ZNF451: variants seen among roughly 807,000 people sequenced by gnomAD.
ZNF451 encodes the protein zinc finger protein 451, also known as E3 SUMO-protein ligase ZNF451.
Under a neutral mutation model 107.1 loss-of-function variants are expected in ZNF451, and 80 were observed. That is an observed-to-expected ratio of 0.75 (90% CI 0.62 to 0.90). The LOEUF is 0.90. Ranked by LOEUF, ZNF451 falls within the 40% of genes least tolerant of loss-of-function variation. The pLI is 0.00. For synonymous variants in ZNF451, 362 were observed against 406.5 expected (o/e 0.89, Z 1.32); for missense variants, 1,107 against 1,236.2 (o/e 0.90, Z 1.57).
intron 3 of ZNF451, chr6:57,104,498 T>TA (rs1829753030): frequency 1.0e-6 from 1 of 985,254 alleles, no homozygotes; most frequent in African/African-American, 1.7e-5. Flanking sequence ...TTTCAAACCT[T>TA]AAACTAAACC....
chr6:57,167,184 C>T (rs201239173), intron 14 of ZNF451, among the ~76,000 whole-genome samples: 2,147 of 148,166 alleles, frequency 0.014, 26 homozygotes, highest in Non-Finnish European at 0.021. Flanking sequence ...TATATATATA[C>T]ACACACACAC....
rs898901804 is a variant in ZNF451 at position 57,111,363 on chromosome 6, GTTTTTTTGTTTTTT to G, written c.186+12237_186+12250del. ...ACTTCATATTCAGAGTTACTGTGGG[GTTTTTTTGTTTTTT>G]TTTTTTTGTTTTTTGTTTCTTGAGA... On this transcript the variant is annotated intron_variant, in intron 3 of 14. Transcript: ENST00000370706. Among the ~76,000 whole-genome samples, 10 of 137,154 alleles carry G rather than the reference GTTTTTTTGTTTTTT, an allele frequency of 7.3e-5. No homozygotes were observed. The South Asian group carries it at 8.8e-4, about 12-fold the overall frequency. The allele number at this position is 137,154 out of a possible 152,430, so 90.0% of individuals were successfully genotyped here.
chr6:57,169,020 C>A lies in ZNF451; in HGVS notation c.*551C>A, dbSNP rs540059519. The A allele has an allele frequency of 6.6e-6, 1 of 152,158 alleles. No homozygotes were observed. The highest frequency in any genetic ancestry group is 2.4e-5 in the African/African-American group (1 of 41,434). 9.4% of individuals were successfully genotyped at this position (152,158 alleles called of 1,614,324 possible). A position where few individuals can be genotyped will look rare whatever the true frequency, so the allele number is the denominator to read the frequency against. ...CATTTAAAATTTTATCAGCAATGTT[C>A]TTTGTGGGTGCCATGCATATGTAAA... On this transcript the variant is annotated 3_prime_UTR_variant, in exon 15 of 15. Coordinates refer to ENST00000370706, the MANE Select transcript of ZNF451 (RefSeq NM_001031623.3).
intron 5 of ZNF451, among the ~76,000 whole-genome samples, chr6:57,132,632 C>A (rs558037618): frequency 1.3e-5 from 2 of 151,824 alleles, no homozygotes; most frequent in African/African-American, 4.8e-5. Flanking sequence ...GGAGTAGGGG[C>A]GTAACCTTCT....
chr6:57,127,474 T>C (rs767109056), intron 4 of ZNF451, among the ~76,000 whole-genome samples: 13 of 152,200 alleles, frequency 8.5e-5, no homozygotes, highest in Non-Finnish European at 1.5e-4. Flanking sequence ...TCATTTATCC[T>C]TCCTGATAGA....
intron 3 of ZNF451, chr6:57,116,708 T>C (rs1198313830): frequency 1.3e-5 from 2 of 152,228 alleles, no homozygotes; most frequent in African/African-American, 4.8e-5. Flanking sequence ...AAGCCCTTGC[T>C]TTCTCTACTA....
rs755283962 is a variant in ZNF451 at position 57,148,407 on chromosome 6, A to G, written c.2322A>G (p.Gln774=). The part of the protein sequence containing the change: ...NLTDMNTHIH[Q]VHKEKSDEEE... ...CCGACATGAACACTCATATCCATCA[A>G]GTGCACAAAGAAAAGAGTGATGAGG... Residue 774 remains glutamine, a synonymous_variant, in exon 10 of 15, where the codon CAA becomes CAG. Coordinates refer to ENST00000370706, the MANE Select transcript of ZNF451 (RefSeq NM_001031623.3). 3.1e-6 allele frequency: 5 copies of G among 1,613,776 alleles called. No homozygotes were observed. The African/African-American group carries it at 4.0e-5, about 13-fold the overall frequency.
chr6:57,164,431 C>G (rs557276249), intron 14 of ZNF451, among the ~76,000 whole-genome samples: 1 of 152,252 alleles, frequency 6.6e-6, no homozygotes, highest in Non-Finnish European at 1.5e-5. Context: ...CCATTATTTA[C>G]TTATATGTTC....
At chr6:57,156,904 G>C (rs539554885) in intron 13 of ZNF451, among the ~76,000 whole-genome samples, 1 of 152,304 alleles carries the variant, frequency 6.6e-6, no homozygotes, top group East Asian at 1.9e-4. Context: ...GCTCCTATGA[G>C]AATCTAATGC....
rs1340582507 is a variant in ZNF451 at position 57,141,275 on chromosome 6, A to G, written c.703-27A>G. On this transcript the variant is annotated intron_variant, in intron 7 of 14. Coordinates refer to ENST00000370706, the MANE Select transcript of ZNF451 (RefSeq NM_001031623.3). The stretch of plus-strand genomic sequence containing the variant: ...ACTTGAGTGTTTATTTTAGTTTTCC[A>G]TAATACAGCTTTGTCTTATATTTTA... 7.1e-6 allele frequency: 11 copies of G among 1,539,256 alleles called. No homozygotes were observed. In the Admixed American group the frequency reaches 1.0e-4, roughly 14 times the overall value.
chr6:57,126,435 AT>A (rs1343430057), intron 4 of ZNF451: 1 of 152,180 alleles, frequency 6.6e-6, no homozygotes, highest in Admixed American at 6.5e-5. Context: ...AAAGGAAGAT[AT>A]TGAAACTGAA....
chr6:57,101,987 A>G (rs1183749024), intron 3 of ZNF451: 2 of 1,550,474 alleles, frequency 1.3e-6, no homozygotes, highest in African/African-American at 2.7e-5. Flanking sequence ...CAGAAAGCAC[A>G]TTATCACAAT....
intron 7 of ZNF451, among the ~76,000 whole-genome samples, chr6:57,138,739 ATATG>A (rs1261436286): frequency 2.3e-3 from 172 of 73,200 alleles, no homozygotes; most frequent in Middle Eastern, 8.3e-3. Context: ...ATATATATAT[ATATG>A]TGTGTGTGTG....
At chr6:57,103,313 T>C (rs1378818685) in intron 3 of ZNF451, 3 of 985,412 alleles carry the variant, frequency 3.0e-6, no homozygotes, top group South Asian at 4.7e-5. Context: ...AGTGATGATA[T>C]CCATTAATGA....
At chr6:57,139,872 G>A (rs1456157344) in intron 7 of ZNF451, among the ~76,000 whole-genome samples, 1 of 151,896 alleles carries the variant, frequency 6.6e-6, no homozygotes, top group Non-Finnish European at 1.5e-5. Flanking sequence ...GAAAGACCTT[G>A]CCTTTACAAA....
At chr6:57,148,747 T>C (rs1223497584) in intron 10 of ZNF451, 54 bp downstream of exon 10, 3 of 1,480,396 alleles carry the variant, frequency 2.0e-6, no homozygotes, top group Non-Finnish European at 2.7e-6. Context: ...AAACTTACAA[T>C]GTACCCACCT....
intron 3 of ZNF451, chr6:57,107,270 T>C (rs1829906146): frequency 1.0e-6 from 1 of 985,272 alleles, no homozygotes; most frequent in Non-Finnish European, 1.2e-6. Context: ...ATCGCTTTGA[T>C]GTAGATGATA....
At chr6:57,125,555 G>A (rs1314837340) in intron 4 of ZNF451, among the ~76,000 whole-genome samples, 1 of 152,136 alleles carries the variant, frequency 6.6e-6, no homozygotes. Context: ...TAGATCACTA[G>A]TTTTATAGAC....
intron 13 of ZNF451, among the ~76,000 whole-genome samples, chr6:57,156,154 A>G (rs77349036): frequency 0.012 from 1,813 of 152,300 alleles, 39 homozygotes; most frequent in African/African-American, 0.041. Flanking sequence ...CCATAAAAAG[A>G]AAATGTGATT....
Sources: gnomAD v4.1 joint callset for allele counts (sites outside exome capture counted in the v4.1 genomes callset) on GRCh38, gnomAD v4.1.1 for gene constraint, MANE v1.5 for transcripts, NCBI Gene and HGNC (gene_info 2026-07-23, HGNC 2026-07-21) for gene names.